The following ZYG11A variants were observed in gnomAD, a reference collection of about 807,000 sequenced individuals.
ZYG11A encodes the protein protein zyg-11 homolog A.
In ZYG11A, 62 loss-of-function variants were observed where a neutral mutation model predicts 77.2. The ratio of observed to expected loss-of-function variants is 0.80; its 90% CI spans 0.65 to 0.99. ZYG11A has a LOEUF of 0.99. Ranked by LOEUF, ZYG11A falls within the 50% of genes least tolerant of loss-of-function variation. The pLI is 0.00. For missense variants in ZYG11A, 828 were observed against 896.8 expected (o/e 0.92, Z 0.98); for synonymous variants, 315 against 324.6 (o/e 0.97, Z 0.32).
chr1:52,881,757 A>G, intron 11 of ZYG11A, 92 bp downstream of exon 11: 1 of 1,052,452 alleles, frequency 9.5e-7, no homozygotes, highest in South Asian at 1.9e-5. Context: ...TGATTGTAGA[A>G]AGTGGGAAAA....
chr1:52,879,710 A>G (rs1646327865), intron 10 of ZYG11A, among the ~76,000 whole-genome samples: 1 of 152,024 alleles, frequency 6.6e-6, no homozygotes, highest in African/African-American at 2.4e-5. Context: ...ACAATTCTAC[A>G]TATCCTACCA....
At chr1:52,860,704 C>G in intron 3 of ZYG11A, 27 bp from the exon 4 acceptor site, 1 of 1,548,700 alleles carries the variant, frequency 6.5e-7, no homozygotes, top group Non-Finnish European at 8.7e-7. Context: ...AATGGTGAAA[C>G]CTGTTTGGTA....
chr1:52,856,935 AT>A, intron 2 of ZYG11A, 62 bp from the exon 3 acceptor site: 1 of 1,453,370 alleles, frequency 6.9e-7, no homozygotes, highest in South Asian at 1.5e-5. Flanking sequence ...TCTTTGCCAC[AT>A]TTTATCCTGG....
intron 1 of ZYG11A, among the ~76,000 whole-genome samples, chr1:52,843,614 G>A (rs1645498373): frequency 6.6e-6 from 1 of 152,068 alleles, no homozygotes; most frequent in South Asian, 2.1e-4. Flanking sequence ...CTTAGCTCTG[G>A]ACAAAATGCA....
At chr1:52,845,038 A>G (rs750354288) in intron 1 of ZYG11A, among the ~76,000 whole-genome samples, 13 of 151,958 alleles carry the variant, frequency 8.6e-5, no homozygotes, top group Admixed American at 3.3e-4. Flanking sequence ...GGCCTCCCAT[A>G]TCTTTTCAAT....
rs747137019 is a variant in ZYG11A at position 52,893,455 on chromosome 1, G to T, written c.*498G>T. The stretch of plus-strand genomic sequence containing the variant: ...AACCCCTGTTGGAGAGCGGGGAAAA[G>T]AATTTATTTATTTATTTATTTATCT... On this transcript the variant is annotated 3_prime_UTR_variant, in exon 14 of 14. Coordinates refer to ENST00000371528, the MANE Select transcript of ZYG11A (RefSeq NM_001004339.3). 2.6e-5 allele frequency: 4 copies of T among 153,054 alleles called. No individual in the cohort carries two copies. Among genetic ancestry groups the T allele is most frequent in the Admixed American group, 6.5e-5 (1 of 15,458 alleles). The allele number at this position is 153,054 out of a possible 1,614,324, so 9.5% of individuals were successfully genotyped here.
At position 52,857,389 on chromosome 1, in the gene ZYG11A, A is replaced by T. The variant is rs1309658521; in HGVS notation, c.648A>T (p.Leu216=). 6.4e-7 allele frequency: 1 copy of T among 1,551,732 alleles called. No homozygotes were observed. Among genetic ancestry groups the T allele is most frequent in the East Asian group, 2.4e-5 (1 of 40,942 alleles). Reference sequence around the variant, plus strand: ...AAAGCTTAGATATCTCTAATACTCTAGTCACTGATATTTCTGCACTGCTTA... The same window carrying T: ...AAAGCTTAGATATCTCTAATACTCTTGTCACTGATATTTCTGCACTGCTTA... The part of the protein sequence containing the change: ...RLESLDISNT[L]VTDISALLTC... The change falls in exon 3 of 14, where the codon CTA becomes CTT. Residue 216 remains leucine (L), a synonymous_variant. Coordinates refer to ENST00000371528, the MANE Select transcript of ZYG11A (RefSeq NM_001004339.3).
In ZYG11A at chr1:52,868,107, A is replaced by G. The variant is rs531283617; in HGVS notation, c.1542+330A>G. Among the ~76,000 whole-genome samples, 9 of 151,370 alleles carry G rather than the reference A, an allele frequency of 5.9e-5. No homozygotes were observed. The South Asian group carries it at 1.7e-3, about 28-fold the overall frequency. On this transcript the variant is annotated intron_variant, in intron 8 of 13. Transcript: ENST00000371528. ...CAGCCTTCTGAGTAGCTGGGATTATAGGCGGGTGTCACCACACCTGGCTAA... is the reference window on the plus strand; with the variant it reads ...CAGCCTTCTGAGTAGCTGGGATTATGGGCGGGTGTCACCACACCTGGCTAA...
At chr1:52,878,024 T>G in intron 10 of ZYG11A, 55 bp downstream of exon 10, 4 of 1,421,448 alleles carry the variant, frequency 2.8e-6, no homozygotes, top group Non-Finnish European at 3.9e-6. Flanking sequence ...AACCTAACAC[T>G]TATATAGTAC....
At chr1:52,889,642 T>G (rs1646506825) in intron 13 of ZYG11A, among the ~76,000 whole-genome samples, 1 of 152,094 alleles carries the variant, frequency 6.6e-6, no homozygotes, top group African/African-American at 2.4e-5. Context: ...TCTACCTTGT[T>G]TTCATATCCT....
intron 1 of ZYG11A, among the ~76,000 whole-genome samples, chr1:52,852,745 C>G (rs992827281): frequency 6.6e-6 from 1 of 152,116 alleles, no homozygotes; most frequent in South Asian, 2.1e-4. Context: ...TTAAAATATT[C>G]TAAGTTCAAA....
Position 52,842,766 on chromosome 1 carries a change from T to C in ZYG11A, c.-118T>C. Reference sequence around the variant, plus strand: ...CTCGCCGGCAGGGCGCGGCGCTAGCTCCGTGTGCCTCGCAGGCGTGGTGGG... The same window carrying C: ...CTCGCCGGCAGGGCGCGGCGCTAGCCCCGTGTGCCTCGCAGGCGTGGTGGG... On this transcript the variant is annotated 5_prime_UTR_variant, in exon 1 of 14. Coordinates refer to ENST00000371528, the MANE Select transcript of ZYG11A (RefSeq NM_001004339.3). The C allele has an allele frequency of 1.0e-6, 1 of 971,544 alleles. No homozygotes were observed. The highest frequency in any genetic ancestry group is 1.5e-5 in the South Asian group (1 of 65,196). The allele number at this position is 971,544 out of a possible 1,614,324, so 60.2% of individuals were successfully genotyped here.
intron 8 of ZYG11A, among the ~76,000 whole-genome samples, chr1:52,872,059 C>T (rs893245018): frequency 6.6e-6 from 1 of 152,060 alleles, no homozygotes; most frequent in Non-Finnish European, 1.5e-5. Flanking sequence ...GAGATGAAAT[C>T]AAGAATAAAA....
chr1:52,877,584 A>G, intron 8 of ZYG11A, 98 bp from the exon 9 acceptor site: 1 of 1,043,492 alleles, frequency 9.6e-7, no homozygotes, highest in Non-Finnish European at 1.4e-6. Flanking sequence ...ACTTGGGTTT[A>G]GAACCGAGGT....
intron 1 of ZYG11A, among the ~76,000 whole-genome samples, chr1:52,847,220 C>T (rs1404119992): frequency 6.6e-6 from 1 of 152,170 alleles, no homozygotes; most frequent in Non-Finnish European, 1.5e-5. Context: ...GTGTGCACCA[C>T]CACACTCTGC....
chr1:52,843,011 C>T, intron 1 of ZYG11A, 38 bp downstream of exon 1: 1 of 1,481,590 alleles, frequency 6.7e-7, no homozygotes, highest in Non-Finnish European at 9.0e-7. Flanking sequence ...CGGACCTCGG[C>T]GCCACGTCCA....
chr1:52,867,889 T>G, intron 8 of ZYG11A, 112 bp downstream of exon 8: 4 of 815,912 alleles, frequency 4.9e-6, no homozygotes, highest in Non-Finnish European at 7.6e-6. Context: ...GAGAAATCTG[T>G]AAGACTTTCT....
At position 52,869,967 on chromosome 1, in the gene ZYG11A, C is replaced by CCCCA. The variant is rs1553123089; in HGVS notation, c.1542+2193_1542+2194insACCC. On this transcript the variant is annotated intron_variant, in intron 8 of 13. Transcript: ENST00000371528. Reference sequence around the variant, plus strand: ...TGGCTGGCCGGGCGGGGGGCTGACCCCCCCCCACCCCCCTCCCGGGCGGGG... The same window carrying CCCCA: ...TGGCTGGCCGGGCGGGGGGCTGACCCCCCACCCCCCACCCCCCTCCCGGGCGGGG... Among the ~76,000 whole-genome samples the CCCCA allele has an allele frequency of 2.3e-4, 34 of 146,216 alleles. 2 individuals carry two copies. Among genetic ancestry groups the CCCCA allele is most frequent in the African/African-American group, 9.2e-4 (34 of 36,998 alleles).
intron 4 of ZYG11A, among the ~76,000 whole-genome samples, chr1:52,862,071 T>A (rs1645937719): frequency 6.6e-6 from 1 of 151,472 alleles, no homozygotes; most frequent in African/African-American, 2.4e-5. Context: ...TAGCCAGGCG[T>A]GGTGGCAGGT....
Sources: gnomAD v4.1 joint callset for allele counts (sites outside exome capture counted in the v4.1 genomes callset) on GRCh38, gnomAD v4.1.1 for gene constraint, MANE v1.5 for transcripts, NCBI Gene and HGNC (gene_info 2026-07-23, HGNC 2026-07-21) for gene names.